The following BMP5 variants were observed in gnomAD, a reference collection of about 807,000 sequenced individuals.
The protein encoded by BMP5 is bone morphogenetic protein 5.
In BMP5, 23 loss-of-function variants were observed where a neutral mutation model predicts 46.6. The ratio of observed to expected loss-of-function variants is 0.49; its 90% CI spans 0.35 to 0.70. The LOEUF (loss-of-function observed/expected upper bound fraction) is 0.70, where lower values mean the gene tolerates loss of function less well. Ranked by LOEUF, BMP5 falls within the 30% of genes least tolerant of loss-of-function variation. BMP5 has a pLI of 0.00. For missense variants in BMP5, 545 were observed against 565.6 expected, an observed-to-expected ratio of 0.96 and a Z score of 0.37; for synonymous variants, 204 against 191.9, an observed-to-expected ratio of 1.06 and a Z score of -0.52.
In BMP5 at chr6:55,759,067, C is replaced by T. The variant is rs746210301; in HGVS notation, c.1153G>A (p.Glu385Lys). 6.9e-7 allele frequency: 1 copy of T among 1,449,132 alleles called. No homozygotes were observed. The highest frequency in any genetic ancestry group is 2.0e-5 in the Admixed American group (1 of 51,018). 89.8% of individuals were successfully genotyped at this position (1,449,132 alleles called of 1,614,324 possible). A position where few individuals can be genotyped will look rare whatever the true frequency, so the allele number is the denominator to read the frequency against. ...TGGGCGTTAAGTGGAAAAGAACATT[C>T]TCCATCACAATAAAATGCAGCGTAT... ...EGYAAFYCDG[E>K]CSFPLNAHMN... The change falls in exon 6 of 7, where the codon GAA becomes AAA. Residue 385 changes from glutamate to lysine, a missense_variant. Transcript: ENST00000370830.
Position 55,841,942 on chromosome 6 carries a change from G to GAGAGAGAGAGAGAGAGAGAGAGA in BMP5, c.491-22096_491-22095insTCTCTCTCTCTCTCTCTCTCTCT, listed in dbSNP as rs1399152751. ...AGAGAGAGAGAGAGAGAGAGAGAGA[G>GAGAGAGAGAGAGAGAGAGAGAGA]ATTTTTCTATCCTTAAACATATTTA... is the stretch of plus-strand genomic sequence containing the variant. On this transcript the variant is annotated intron_variant, in intron 1 of 6. Coordinates refer to ENST00000370830, the MANE Select transcript of BMP5 (RefSeq NM_021073.4). Among the ~76,000 whole-genome samples the GAGAGAGAGAGAGAGAGAGAGAGA allele has an allele frequency of 3.3e-5, 5 of 151,898 alleles. No individual in the cohort carries two copies. In the South Asian group the frequency reaches 1.0e-3, roughly 32 times the overall value.
chr6:55,788,783 A>T (rs1000675223), intron 3 of BMP5, among the ~76,000 whole-genome samples: 6 of 151,752 alleles, frequency 4.0e-5, no homozygotes, highest in African/African-American at 1.4e-4. Flanking sequence ...TTTCCTAATG[A>T]TTTCTTTTTA....
At chr6:55,761,774 A>G (rs983539191) in intron 4 of BMP5, among the ~76,000 whole-genome samples, 1 of 152,068 alleles carries the variant, frequency 6.6e-6, no homozygotes, top group Non-Finnish European at 1.5e-5. Context: ...TAGAAATGCT[A>G]TGTCATTTCC....
At chr6:55,831,155 A>G (rs1185291139) in intron 1 of BMP5, among the ~76,000 whole-genome samples, 1 of 152,168 alleles carries the variant, frequency 6.6e-6, no homozygotes, top group Admixed American at 6.6e-5. Context: ...TCTAGGCAAG[A>G]GAATGAGAAT....
chr6:55,845,785 G>A (rs1483687368), intron 1 of BMP5, among the ~76,000 whole-genome samples: 1 of 151,910 alleles, frequency 6.6e-6, no homozygotes, highest in South Asian at 2.1e-4. Flanking sequence ...ATTCCTTCAT[G>A]TCAGTCTTCT....
At chr6:55,819,538 TTAC>T (rs1290407727) in intron 2 of BMP5, 114 bp downstream of exon 2, 5 of 844,602 alleles carry the variant, frequency 5.9e-6, no homozygotes, top group Non-Finnish European at 9.5e-6. Context: ...GCTCTAAATG[TTAC>T]TACATTGCCC....
intron 3 of BMP5, among the ~76,000 whole-genome samples, chr6:55,791,100 T>C (rs1264550030): frequency 1.3e-5 from 2 of 152,176 alleles, no homozygotes; most frequent in Non-Finnish European, 2.9e-5. Context: ...AAGAAAACGT[T>C]AGGAATATAT....
chr6:55,784,223 C>T (rs934145354), intron 3 of BMP5, among the ~76,000 whole-genome samples: 3 of 151,858 alleles, frequency 2.0e-5, no homozygotes, highest in Non-Finnish European at 2.9e-5. Flanking sequence ...AGAGAACTGT[C>T]GTTTCTTAGT....
chr6:55,757,275 A>G (rs2127514209), intron 6 of BMP5, among the ~76,000 whole-genome samples: 1 of 152,094 alleles, frequency 6.6e-6, no homozygotes, highest in East Asian at 1.9e-4. Flanking sequence ...TATCTAAGGA[A>G]GCAAAAGTCT....
intron 4 of BMP5, among the ~76,000 whole-genome samples, chr6:55,761,182 A>C (rs1774767803): frequency 6.6e-6 from 1 of 151,928 alleles, no homozygotes; most frequent in Non-Finnish European, 1.5e-5. Context: ...GAAATCTCAC[A>C]CACTATCTTC....
intron 3 of BMP5, among the ~76,000 whole-genome samples, chr6:55,774,723 C>T (rs1239831881): frequency 1.3e-5 from 2 of 151,886 alleles, no homozygotes; most frequent in East Asian, 1.9e-4. Context: ...ATAGCCTTTC[C>T]ACCTTCACTT....
At chr6:55,834,647 C>T (rs1242233915) in intron 1 of BMP5, among the ~76,000 whole-genome samples, 3 of 152,222 alleles carry the variant, frequency 2.0e-5, no homozygotes, top group Non-Finnish European at 2.9e-5. Flanking sequence ...AGGGAATACA[C>T]GCCATCCTTT....
intron 1 of BMP5, among the ~76,000 whole-genome samples, chr6:55,857,181 T>C (rs1028794717): frequency 6.6e-6 from 1 of 152,192 alleles, no homozygotes; most frequent in Non-Finnish European, 1.5e-5. Context: ...TATCGATCAC[T>C]CAACTGCTTC....
intron 1 of BMP5, among the ~76,000 whole-genome samples, chr6:55,826,457 T>G (rs1776535336): frequency 6.6e-6 from 1 of 151,718 alleles, no homozygotes; most frequent in Non-Finnish European, 1.5e-5. Flanking sequence ...TTTTGAAAAT[T>G]AAGACATTTA....
chr6:55,802,035 T>A (rs567985375), intron 2 of BMP5, among the ~76,000 whole-genome samples: 1 of 152,282 alleles, frequency 6.6e-6, no homozygotes, highest in South Asian at 2.1e-4. Flanking sequence ...GTAACCAATA[T>A]AGCAAGGATG....
intron 4 of BMP5, 75 bp from the exon 5 acceptor site, chr6:55,760,608 T>C: frequency 1.5e-6 from 2 of 1,295,634 alleles, no homozygotes; most frequent in Non-Finnish European, 2.2e-6. Flanking sequence ...AGATCACTGG[T>C]AAGATTTTTT....
In BMP5 at chr6:55,872,355, T is replaced by C. The variant is rs562925332; in HGVS notation, c.490+2021A>G. ...AAAGCACTACTCAGAAGTTCAAGCA[T>C]GATAAAAATAAACACACAGTTTCTC... On this transcript the variant is annotated intron_variant, in intron 1 of 6. Coordinates refer to ENST00000370830, the MANE Select transcript of BMP5 (RefSeq NM_021073.4). Among the ~76,000 whole-genome samples the C allele has an allele frequency of 1.6e-3, 247 of 151,850 alleles. 1 individual carries two copies. The highest frequency in any genetic ancestry group is 2.8e-3 in the Non-Finnish European group (190 of 67,686).
intron 6 of BMP5, among the ~76,000 whole-genome samples, chr6:55,757,407 T>G (rs1368951329): frequency 2.6e-5 from 4 of 152,004 alleles, no homozygotes; most frequent in Non-Finnish European, 1.5e-5. Context: ...GATCATGAAG[T>G]TCTCTTCATA....
At chr6:55,796,783 G>C (rs903315091) in intron 2 of BMP5, among the ~76,000 whole-genome samples, 4 of 151,676 alleles carry the variant, frequency 2.6e-5, no homozygotes, top group African/African-American at 9.7e-5. Flanking sequence ...AGTTTACTGA[G>C]AATGATGATG....
Sources: allele counts gnomAD v4.1 joint callset (sites outside exome capture counted in the v4.1 genomes callset), GRCh38; gene constraint gnomAD v4.1.1; transcripts MANE v1.5; gene names NCBI Gene and HGNC (gene_info 2026-07-23, HGNC 2026-07-21).